BCL2L14: variants seen among roughly 807,000 people sequenced by gnomAD.
BCL2L14 encodes the protein BCL2 like 14, also known as apoptosis facilitator Bcl-2-like protein 14.
In BCL2L14, 27 loss-of-function variants were observed where a neutral mutation model predicts 35.3. The ratio of observed to expected loss-of-function variants is 0.76; its 90% CI spans 0.56 to 1.05. The LOEUF (loss-of-function observed/expected upper bound fraction) is 1.05, where lower values mean the gene tolerates loss of function less well. BCL2L14 is among the 50% of genes least tolerant of loss of function. The pLI, the probability that BCL2L14 is intolerant of heterozygous loss-of-function variation, is 0.00. For missense variants in BCL2L14, 377 were observed against 382.6 expected, an observed-to-expected ratio of 0.99 and a Z score of 0.12; for synonymous variants, 139 against 145.9, an observed-to-expected ratio of 0.95 and a Z score of 0.34.
chr12:12,077,537 C>CACAA, intron 1 of BCL2L14, among the ~76,000 whole-genome samples: 1 of 113,116 alleles, frequency 8.8e-6, no homozygotes, highest in South Asian at 3.1e-4. Context: ...AACTGAGTCT[C>CACAA]AAAAAAAAAA....
chr12:12,050,810 A>AAAAAAAAAAAAG (rs1555084771), intron 1 of BCL2L14, among the ~76,000 whole-genome samples: 1 of 110,060 alleles, frequency 9.1e-6, no homozygotes, highest in African/African-American at 3.0e-5. Flanking sequence ...AAAAAAAAAA[A>AAAAAAAAAAAAG]AAAGAAAAGA....
rs77055028 is a variant in BCL2L14 at position 12,050,977 on chromosome 12, C to T, written c.-323-819C>T. On this transcript the variant is annotated intron_variant, in intron 1 of 3. Transcript: ENST00000461264. ...TTTAGGACCTTTTGGCGGAAGTGCTCGATAAGGATTGAATAGCACCATAAA... is the reference window on the plus strand; with the variant it reads ...TTTAGGACCTTTTGGCGGAAGTGCTTGATAAGGATTGAATAGCACCATAAA... Among the ~76,000 whole-genome samples the T allele has an allele frequency of 7.3e-3, 1,103 of 152,112 alleles. 14 individuals carry two copies. The highest frequency in any genetic ancestry group is 0.025 in the African/African-American group (1,047 of 41,474).
chr12:12,062,561 C>T (rs1299462255), intron 2 of BCL2L14, among the ~76,000 whole-genome samples: 1 of 151,504 alleles, frequency 6.6e-6, no homozygotes, highest in Admixed American at 6.6e-5. Flanking sequence ...CCCTCCCTTC[C>T]CTACACATCA....
intron 4 of BCL2L14, among the ~76,000 whole-genome samples, chr12:12,093,178 G>A (rs1442520982): frequency 1.3e-5 from 2 of 152,172 alleles, no homozygotes; most frequent in African/African-American, 4.8e-5. Flanking sequence ...AATCAATAGG[G>A]TAGAATAATG....
intron 3 of BCL2L14, among the ~76,000 whole-genome samples, chr12:12,087,983 G>C (rs552117549): frequency 2.6e-5 from 4 of 152,304 alleles, no homozygotes; most frequent in Admixed American, 2.0e-4. Context: ...CACTGGAAGA[G>C]AAGCTCTGCC....
chr12:12,059,405 C>A (rs1359717822), intron 2 of BCL2L14, among the ~76,000 whole-genome samples: 3 of 151,980 alleles, frequency 2.0e-5, no homozygotes, highest in African/African-American at 7.3e-5. Context: ...CATATCTCTG[C>A]ACCCCAATCC....
At chr12:12,078,031 A>T in intron 1 of BCL2L14, 1 of 416,424 alleles carries the variant, frequency 2.4e-6, no homozygotes, top group Non-Finnish European at 4.8e-6. Flanking sequence ...CTATCCTGTT[A>T]TTCGTATGGA....
rs770695494 is a variant in BCL2L14, at chr12:12,087,310, C to A, written c.531C>A (p.Ser177=). 1 of 1,614,092 alleles carries A rather than the reference C, an allele frequency of 6.2e-7. No homozygotes were observed. Among genetic ancestry groups the A allele is most frequent in the Non-Finnish European group, 8.5e-7 (1 of 1,180,042 alleles). Residue 177 remains serine, a synonymous_variant, in exon 3 of 6, where the codon TCC becomes TCA. Transcript: ENST00000308721. The stretch of plus-strand genomic sequence containing the variant: ...CGACCCAGGCAGGAGGCTTCAAGTC[C>A]AAAGAGATTTTTGTAACTGAGGGTC... The part of the protein sequence containing the change: ...PQATQAGGFK[S]KEIFVTEGLS...
chr12:12,087,279 C>T lies in BCL2L14; in HGVS notation c.500C>T (p.Pro167Leu). The change falls in exon 3 of 6, where the codon CCA becomes CTA. Residue 167 changes from proline (P) to leucine (L), a missense_variant. By Grantham distance (98) the Pro-to-Leu change is moderately conservative. Coordinates refer to ENST00000308721, the MANE Select transcript of BCL2L14 (RefSeq NM_138723.2). ...VAEIVYSWPP[P>L]QATQAGGFKS... The stretch of plus-strand genomic sequence containing the variant: ...GAAATTGTTTACTCCTGGCCACCAC[C>T]ACAAGCGACCCAGGCAGGAGGCTTC... The T allele has an allele frequency of 1.2e-6, 2 of 1,614,176 alleles. No individual in the cohort carries two copies. The highest frequency in any genetic ancestry group is 1.7e-6 in the Non-Finnish European group (2 of 1,180,008).
chr12:12,086,465 G>A (rs1949044860), intron 2 of BCL2L14, among the ~76,000 whole-genome samples: 1 of 152,148 alleles, frequency 6.6e-6, no homozygotes, highest in Non-Finnish European at 1.5e-5. Context: ...TCTCTTATAG[G>A]CTACAACACT....
intron 4 of BCL2L14, among the ~76,000 whole-genome samples, chr12:12,093,326 A>G (rs2136778884): frequency 6.6e-6 from 1 of 152,312 alleles, no homozygotes; most frequent in East Asian, 1.9e-4. Context: ...AGCACTATAA[A>G]GTGTTCAACT....
chr12:12,053,581 C>T (rs559423686), intron 2 of BCL2L14, among the ~76,000 whole-genome samples: 47 of 152,184 alleles, frequency 3.1e-4, no homozygotes, highest in African/African-American at 1.1e-3. Flanking sequence ...CCACCACACC[C>T]GGCTAATTTT....
At chr12:12,086,004 C>CA (rs1432428072) in intron 2 of BCL2L14, among the ~76,000 whole-genome samples, 1 of 152,146 alleles carries the variant, frequency 6.6e-6, no homozygotes, top group Non-Finnish European at 1.5e-5. Flanking sequence ...ACAGCTTGTA[C>CA]AAGCTTTTAA....
intron 5 of BCL2L14, among the ~76,000 whole-genome samples, chr12:12,098,346 C>T (rs1301123738): frequency 6.6e-6 from 1 of 152,156 alleles, no homozygotes; most frequent in African/African-American, 2.4e-5. Flanking sequence ...CTCATCTTCC[C>T]AACTAAACTG....
upstream of BCL2L14, among the ~76,000 whole-genome samples, chr12:12,066,490 C>T (rs1948595560): frequency 6.6e-6 from 1 of 152,036 alleles, no homozygotes. Flanking sequence ...GCATTTTTAT[C>T]TAAGATATAT....
intron 2 of BCL2L14, chr12:12,055,134 T>C (rs1253490594): frequency 1.3e-5 from 2 of 152,030 alleles, no homozygotes; most frequent in Non-Finnish European, 1.5e-5. Flanking sequence ...CACTCACACA[T>C]CTAGGAAAGA....
At chr12:12,069,973 C>T (rs1468480769), upstream of BCL2L14, among the ~76,000 whole-genome samples, 1 of 152,154 alleles carries the variant, frequency 6.6e-6, no homozygotes, top group Non-Finnish European at 1.5e-5. Flanking sequence ...TTCACACTTC[C>T]TTCATCGTCA....
intron 4 of BCL2L14, chr12:12,094,436 T>C: frequency 7.8e-7 from 1 of 1,278,538 alleles, no homozygotes; most frequent in East Asian, 2.3e-5. Context: ...ATGAACTGAC[T>C]GTTCCATTTT....
At chr12:12,095,989 A>C in intron 5 of BCL2L14, 4 of 985,414 alleles carry the variant, frequency 4.1e-6, no homozygotes, top group Non-Finnish European at 3.6e-6. Flanking sequence ...AAAGGAGGAC[A>C]GGTTCCTCAA....
Sources: allele counts gnomAD v4.1 joint callset (sites outside exome capture counted in the v4.1 genomes callset), GRCh38; gene constraint gnomAD v4.1.1; transcripts MANE v1.5; gene names NCBI Gene and HGNC (gene_info 2026-07-23, HGNC 2026-07-21).